RUNX1T1: variants seen among roughly 807,000 people sequenced by gnomAD.
RUNX1T1 encodes protein CBFA2T1.
RUNX1T1 carries 4 observed loss-of-function variants against 62.8 expected under a neutral mutation model. The ratio of observed to expected loss-of-function variants is 0.06; its 90% CI spans 0.03 to 0.15. The LOEUF (loss-of-function observed/expected upper bound fraction) is 0.15, where lower values mean the gene tolerates loss of function less well. RUNX1T1 is among the 10% of genes least tolerant of loss of function. RUNX1T1 has a pLI of 1.00. For synonymous variants in RUNX1T1, 291 were observed against 286.0 expected (o/e 1.02, Z -0.18); for missense variants, 508 against 754.3 (o/e 0.67, Z 3.82).
At chr8:92,095,378 C>CGGCCGA (rs1191834916) in intron 1 of RUNX1T1, 1 of 1,535,296 alleles carries the variant, frequency 6.5e-7, no homozygotes, top group Non-Finnish European at 8.7e-7. Context: ...AGAGCGGCCG[C>CGGCCGA]GGCCGAGGCG....
chr8:91,997,158 ACT>A (rs1390639843), intron 5 of RUNX1T1, among the ~76,000 whole-genome samples: 1 of 151,790 alleles, frequency 6.6e-6, no homozygotes, highest in Non-Finnish European at 1.5e-5. Context: ...AAAAACAAAA[ACT>A]CTACATGAAA....
At chr8:92,027,292 T>C (rs1035669051) in intron 1 of RUNX1T1, among the ~76,000 whole-genome samples, 30 of 152,180 alleles carry the variant, frequency 2.0e-4, no homozygotes, top group Non-Finnish European at 4.4e-4. Context: ...GGTTACTATG[T>C]TAGAAAGCTC....
intron 8 of RUNX1T1, among the ~76,000 whole-genome samples, chr8:91,982,335 A>T (rs1815506327): frequency 1.3e-5 from 2 of 152,148 alleles, no homozygotes; most frequent in Admixed American, 1.3e-4. Flanking sequence ...GAAAGATTCT[A>T]GAATAGTCAA....
intron 3 of RUNX1T1, among the ~76,000 whole-genome samples, chr8:92,014,370 A>T (rs1408993017): frequency 6.6e-6 from 1 of 152,160 alleles, no homozygotes; most frequent in Non-Finnish European, 1.5e-5. Flanking sequence ...TTTATTAGTC[A>T]AACAGTGAGA....
intron 1 of RUNX1T1, among the ~76,000 whole-genome samples, chr8:92,038,717 C>T (rs1453690460): frequency 6.6e-6 from 1 of 152,152 alleles, no homozygotes; most frequent in Non-Finnish European, 1.5e-5. Flanking sequence ...CTGCAGATAA[C>T]CTCATAGTCT....
chr8:91,970,876 A>G (rs746073849), intron 9 of RUNX1T1, 28 bp from the exon 11 acceptor site: 1 of 1,551,206 alleles, frequency 6.4e-7, no homozygotes, highest in Non-Finnish European at 8.7e-7. Flanking sequence ...CAAACCAGAC[A>G]AGAAAACACC....
At chr8:91,979,896 C>T (rs901779503) in intron 8 of RUNX1T1, 7 of 529,504 alleles carry the variant, frequency 1.3e-5, no homozygotes, top group South Asian at 1.1e-4. Context: ...GACAGCAATG[C>T]TCAAAGCTGG....
At chr8:92,017,422 T>C (rs909242856) in intron 1 of RUNX1T1, 59 bp from the exon 3 acceptor site, 2 of 1,613,276 alleles carry the variant, frequency 1.2e-6, no homozygotes, top group South Asian at 1.1e-5. Context: ...GTTTTTCAAG[T>C]GGGGTTTATC....
upstream of RUNX1T1, among the ~76,000 whole-genome samples, chr8:92,101,927 C>T (rs1205641641): frequency 1.3e-5 from 2 of 152,194 alleles, no homozygotes; most frequent in Non-Finnish European, 2.9e-5. Flanking sequence ...TGGAGCGCGT[C>T]TCCACTGGCC....
rs1831122258 is a variant in RUNX1T1 at position 92,056,841 on chromosome 8, A to G, written c.7+5705T>C. On this transcript the variant is annotated intron_variant, in intron 1 of 10. Transcript: ENST00000396218. ...TATATTATTTGCTTTCTAATTTTCTACTAATCCAAAACACAGAAAACCATC... is the reference window on the plus strand; with the variant it reads ...TATATTATTTGCTTTCTAATTTTCTGCTAATCCAAAACACAGAAAACCATC... Among the ~76,000 whole-genome samples, 4 of 152,164 alleles carry G rather than the reference A, an allele frequency of 2.6e-5. No homozygotes were observed. The South Asian group carries it at 8.3e-4, about 32-fold the overall frequency.
intron 5 of RUNX1T1, chr8:92,003,445 C>T (rs1194662262): frequency 2.0e-5 from 9 of 451,454 alleles, no homozygotes; most frequent in Non-Finnish European, 4.0e-5. Flanking sequence ...TTTAGCAGTT[C>T]AGAATGCCAG....
intron 5 of RUNX1T1, among the ~76,000 whole-genome samples, chr8:92,003,767 T>C (rs1427494361): frequency 6.6e-6 from 1 of 152,230 alleles, no homozygotes; most frequent in African/African-American, 2.4e-5. Context: ...GGCATCAGGA[T>C]TAAGCAGTTC....
intron 10 of RUNX1T1, among the ~76,000 whole-genome samples, chr8:91,964,604 A>C (rs1423963828): frequency 6.6e-6 from 1 of 152,188 alleles, no homozygotes; most frequent in Non-Finnish European, 1.5e-5. Flanking sequence ...TCACAGTAAA[A>C]GGCTTGCCCC....
intron 5 of RUNX1T1, among the ~76,000 whole-genome samples, chr8:91,993,453 G>A (rs565672098): frequency 4.9e-4 from 75 of 152,258 alleles, no homozygotes; most frequent in African/African-American, 1.7e-3. Context: ...TACATACTAA[G>A]AAGGATGCAC....
chr8:92,004,148 T>G (rs570600146), intron 5 of RUNX1T1, among the ~76,000 whole-genome samples: 1 of 152,324 alleles, frequency 6.6e-6, no homozygotes, highest in Non-Finnish European at 1.5e-5. Context: ...GATCTTAAGC[T>G]CCTATGAATG....
chr8:92,067,263 T>C (rs1002603987), upstream of RUNX1T1, among the ~76,000 whole-genome samples: 1 of 152,202 alleles, frequency 6.6e-6, no homozygotes, highest in Non-Finnish European at 1.5e-5. Context: ...CTCAATCACA[T>C]GCAACTAGTC....
chr8:92,041,618 T>C (rs1474207435), intron 1 of RUNX1T1, among the ~76,000 whole-genome samples: 1 of 152,034 alleles, frequency 6.6e-6, no homozygotes, highest in African/African-American at 2.4e-5. Flanking sequence ...GGCATGCGCC[T>C]GTAACCCCAG....
intron 1 of RUNX1T1, among the ~76,000 whole-genome samples, chr8:92,026,465 T>C (rs981670690): frequency 6.6e-6 from 1 of 152,242 alleles, no homozygotes. Flanking sequence ...ATTCATGATC[T>C]GGAAAACTGG....
At chr8:92,023,892 C>A (rs1318853986) in intron 1 of RUNX1T1, among the ~76,000 whole-genome samples, 1 of 152,140 alleles carries the variant, frequency 6.6e-6, no homozygotes, top group African/African-American at 2.4e-5. Flanking sequence ...AGTATCAGTC[C>A]TTCTCCAAGA....
Sources: allele counts gnomAD v4.1 joint callset (sites outside exome capture counted in the v4.1 genomes callset), GRCh38; gene constraint gnomAD v4.1.1; transcripts MANE v1.5; gene names NCBI Gene and HGNC (gene_info 2026-07-23, HGNC 2026-07-21).